CCDC187: variants seen among roughly 807,000 people sequenced by gnomAD.
The protein encoded by CCDC187 is coiled-coil domain containing 187.
A neutral mutation model predicts 38.0 loss-of-function variants in CCDC187; 32 were observed. That is an observed-to-expected ratio of 0.84 (90% confidence interval 0.64 to 1.13). CCDC187 has a LOEUF of 1.13. Ranked by LOEUF, CCDC187 falls within the 50% of genes most tolerant of loss-of-function variation. The pLI is 0.00. For synonymous variants in CCDC187, 333 were observed against 347.9 expected (o/e 0.96, Z 0.48); for missense variants, 707 against 786.8 (o/e 0.90, Z 1.21).
chr9:136,271,139 A>C (rs1830833070), intron 14 of CCDC187, among the ~76,000 whole-genome samples: 1 of 152,260 alleles, frequency 6.6e-6, no homozygotes, highest in Non-Finnish European at 1.5e-5. Context: ...AGGAGCAAAA[A>C]GATATTTGAA....
At chr9:136,302,713 C>A (rs1485868851) in intron 2 of CCDC187, 99 bp downstream of exon 2, 1 of 398,076 alleles carries the variant, frequency 2.5e-6, no homozygotes, top group African/African-American at 2.1e-5. Flanking sequence ...ACCCGGCTGG[C>A]CCCCACCACG....
intron 14 of CCDC187, among the ~76,000 whole-genome samples, chr9:136,270,631 T>A (rs1830824783): frequency 6.6e-6 from 1 of 152,174 alleles, no homozygotes; most frequent in Non-Finnish European, 1.5e-5. Context: ...TCCGGATGAC[T>A]GGGGGCAAGC....
intron 12 of CCDC187, among the ~76,000 whole-genome samples, chr9:136,275,414 C>T (rs1012569073): frequency 6.6e-6 from 1 of 151,984 alleles, no homozygotes; most frequent in Non-Finnish European, 1.5e-5. Context: ...CTGTTGCTGT[C>T]GGTCTGAGGC....
intron 4 of CCDC187, among the ~76,000 whole-genome samples, chr9:136,293,384 C>T (rs1381286493): frequency 1.6e-5 from 2 of 125,784 alleles, no homozygotes; most frequent in South Asian, 2.7e-4. Flanking sequence ...CACTCACACT[C>T]ACATGCTCAC....
chr9:136,301,629 C>T (rs1291617085), intron 2 of CCDC187, among the ~76,000 whole-genome samples: 1 of 150,820 alleles, frequency 6.6e-6, no homozygotes, highest in East Asian at 2.0e-4. Context: ...CTCTGTCGCC[C>T]AGGCTGGAGT....
Position 136,288,654 on chromosome 9 carries a change from C to G in CCDC187, c.2222+1305G>C, listed in dbSNP as rs917904660. 5.9e-5 allele frequency among the ~76,000 whole-genome samples: 9 copies of G among 152,330 alleles called. No individual in the cohort carries two copies. In the South Asian group the frequency reaches 1.9e-3, roughly 32 times the overall value. On this transcript the variant is annotated intron_variant, in intron 7 of 25. Transcript: ENST00000638797. ...CCAGGCTGGAAACTGTAGTGAGACCCAGGCGCAACTCCCCCAAGCAAAGTT... is the reference window on the plus strand; with the variant it reads ...CCAGGCTGGAAACTGTAGTGAGACCGAGGCGCAACTCCCCCAAGCAAAGTT...
chr9:136,265,220 A>G (rs1334154040), intron 17 of CCDC187, among the ~76,000 whole-genome samples: 1 of 152,178 alleles, frequency 6.6e-6, no homozygotes, highest in Non-Finnish European at 1.5e-5. Context: ...CTTGCCCCTC[A>G]GCCTTGCTCT....
rs1564307375 is a variant in CCDC187 at position 136,260,164 on chromosome 9, C to T, written c.4165G>A (p.Asp1389Asn). ...PRPAWGEDTH[D>N]PQGPLVESGS... is the part of the protein sequence containing the mutation. ...CTCTCCACCAGCGGGCCCTGGGGGT[C>T]GTGTGTGTCCTCGCCCCATGCTGGC... The change falls in exon 20 of 26, where the codon GAC becomes AAC. Residue 1389 changes from aspartate (D) to asparagine (N), a missense_variant. Asp to Asn is a conservative substitution (Grantham distance 23). Transcript: ENST00000638797. 8 of 985,218 alleles carry T rather than the reference C, an allele frequency of 8.1e-6. No homozygotes were observed. Among genetic ancestry groups the T allele is most frequent in the Middle Eastern group, 1.0e-3 (2 of 1,936 alleles). 61.0% of individuals were successfully genotyped at this position (985,218 alleles called of 1,614,324 possible).
At chr9:136,273,982 C>G (rs532829901) in intron 14 of CCDC187, among the ~76,000 whole-genome samples, 1 of 152,364 alleles carries the variant, frequency 6.6e-6, no homozygotes, top group African/African-American at 2.4e-5. Flanking sequence ...TGCTGACACA[C>G]ATCACACGAG....
chr9:136,291,186 G>A lies in CCDC187; in HGVS notation c.1427C>T (p.Pro476Leu), dbSNP rs1489939913. 2.5e-5 allele frequency: 10 copies of A among 398,664 alleles called. No homozygotes were observed. Among genetic ancestry groups the A allele is most frequent in the Middle Eastern group, 6.3e-4 (1 of 1,590 alleles). 24.7% of individuals were successfully genotyped at this position (398,664 alleles called of 1,614,324 possible). Residue 476 changes from proline to leucine, a missense_variant, in exon 6 of 26, where the codon CCG becomes CTG. By Grantham distance (98) the Pro-to-Leu change is moderately conservative (BLOSUM62 -3). Coordinates refer to ENST00000638797, the MANE Select transcript of CCDC187 (RefSeq NM_001378188.1). Reference protein sequence around the residue: ...AQGQDRSFQRPESPHERLGHF... With the variant: ...AQGQDRSFQRLESPHERLGHF... Reference sequence around the variant, plus strand: ...GCCCAACCTCTCATGGGGACTCTCCGGCCTCTGGAAGGAGCGGTCCTGTCC... The same window carrying A: ...GCCCAACCTCTCATGGGGACTCTCCAGCCTCTGGAAGGAGCGGTCCTGTCC...
chr9:136,273,434 C>T (rs1370711080), intron 14 of CCDC187, among the ~76,000 whole-genome samples: 4 of 152,196 alleles, frequency 2.6e-5, no homozygotes, highest in African/African-American at 9.7e-5. Context: ...AGGATTATTG[C>T]ATCATGATAG....
Position 136,297,134 on chromosome 9 carries a change from G to A in CCDC187, c.832+580C>T, listed in dbSNP as rs1452134454. ...GTATCTGTTACTGCTCTGAAGAGCC[G>A]TGAGCTGCAGGTGGCGTGAGCTGCA... On this transcript the variant is annotated intron_variant, in intron 4 of 25. Transcript: ENST00000638797. 1.0e-4 allele frequency among the ~76,000 whole-genome samples: 15 copies of A among 150,382 alleles called. No individual in the cohort carries two copies. The South Asian group carries it at 1.7e-3, about 17-fold the overall frequency.
Position 136,257,790 on chromosome 9 carries a change from T to A in CCDC187, c.4367-949A>T, listed in dbSNP as rs1198716786. ...GAACACCTGCCCTCTTGTCCGTGGCTCCGGGTGACCCCAGCGACCACAATG... is the reference window on the plus strand; with the variant it reads ...GAACACCTGCCCTCTTGTCCGTGGCACCGGGTGACCCCAGCGACCACAATG... On this transcript the variant is annotated intron_variant, in intron 22 of 25. Transcript: ENST00000638797. This position sits in a 1 kb window ranked among gnomAD's most constrained non-coding sequence, Gnocchi z 4.5. 6.6e-6 allele frequency among the ~76,000 whole-genome samples: 1 copy of A among 152,222 alleles called. No homozygotes were observed. Among genetic ancestry groups the A allele is most frequent in the African/African-American group, 2.4e-5 (1 of 41,456 alleles).
At position 136,291,043 on chromosome 9, in the gene CCDC187, G is replaced by A. The variant is rs963474148; in HGVS notation, c.1570C>T (p.Arg524Trp). The A allele has an allele frequency of 3.8e-5, 15 of 398,542 alleles. No homozygotes were observed. The highest frequency in any genetic ancestry group is 6.2e-5 in the African/African-American group (3 of 48,610). The allele number at this position is 398,542 out of a possible 1,614,324, so 24.7% of individuals were successfully genotyped here. ...CAGGGCTGCTGGGGGAAGGGGCTCC[G>A]CTTTTCAGGGGGGCTCCCAGGCCTC... is the stretch of plus-strand genomic sequence containing the variant. ...SQRPGSPPEK[R>W]SPFPQQPWSA... is the part of the protein sequence containing the mutation. Residue 524 changes from arginine (R) to tryptophan (W), a missense_variant, in exon 6 of 26, where the codon CGG becomes TGG. Physicochemically the swap from Arg to Trp is moderately radical, Grantham distance 101. Transcript: ENST00000638797.
At chr9:136,271,678 G>A (rs537896774) in intron 14 of CCDC187, among the ~76,000 whole-genome samples, 1 of 147,360 alleles carries the variant, frequency 6.8e-6, no homozygotes, top group Non-Finnish European at 1.5e-5. Flanking sequence ...CGCGATCTCG[G>A]CTCACTGCAA....
At chr9:136,281,766 C>T (rs980549941) in intron 9 of CCDC187, 103 bp from the exon 10 acceptor site, 19 of 397,602 alleles carry the variant, frequency 4.8e-5, no homozygotes, top group Non-Finnish European at 7.1e-5. Context: ...ACCTGGGCTC[C>T]CGTGGCCTGG....
chr9:136,265,229 C>G (rs1330698936), intron 17 of CCDC187, among the ~76,000 whole-genome samples: 1 of 152,232 alleles, frequency 6.6e-6, no homozygotes, highest in Admixed American at 6.5e-5. Context: ...CAGCCTTGCT[C>G]TCTGCCGCAG....
At position 136,251,183 on chromosome 9, in the gene CCDC187, G is replaced by A. The variant is rs781864073; in HGVS notation, c.*2411C>T. The A allele has an allele frequency of 2.7e-6, 1 of 365,368 alleles. No individual in the cohort carries two copies. The highest frequency in any genetic ancestry group is 2.0e-5 in the South Asian group (1 of 50,614). The allele number at this position is 365,368 out of a possible 1,614,324, so 22.6% of individuals were successfully genotyped here. A position where few individuals can be genotyped will look rare whatever the true frequency, so the allele number is the denominator to read the frequency against. On this transcript the variant is annotated 3_prime_UTR_variant, in exon 26 of 26. Transcript: ENST00000638797. ...CGCTGCTCATCAACTCCGCATTCAA[G>A]AAGAGACCCTCAGATTCAAAAGGGT...
intron 7 of CCDC187, among the ~76,000 whole-genome samples, chr9:136,287,647 G>A (rs1017899087): frequency 3.9e-5 from 6 of 152,144 alleles, no homozygotes; most frequent in Non-Finnish European, 5.9e-5. Flanking sequence ...CATTGTCTCC[G>A]CGATTGGCCT....
Sources: allele counts gnomAD v4.1 joint callset (sites outside exome capture counted in the v4.1 genomes callset), GRCh38; gene constraint gnomAD v4.1.1; non-coding constraint Gnocchi (gnomAD v3.1); transcripts MANE v1.5; gene names NCBI Gene and HGNC (gene_info 2026-07-23, HGNC 2026-07-21).